SLC75A1: variants seen among roughly 807,000 people sequenced by gnomAD.
SLC75A1 encodes the protein major facilitator superfamily domain containing 10.
the SLC75A1 span, chr4:2,931,424 C>T: frequency 6.4e-7 from 1 of 1,555,760 alleles, no homozygotes; most frequent in South Asian, 1.2e-5. Context: ...GAGAACGTCC[C>T]CAGCCGATGA....
the SLC75A1 span, chr4:2,933,885 T>G: frequency 6.3e-7 from 1 of 1,579,382 alleles, no homozygotes; most frequent in Non-Finnish European, 8.6e-7. Flanking sequence ...GGTGGATGGG[T>G]GGGCGCGGGG....
the SLC75A1 span, chr4:2,932,509 C>A: frequency 6.2e-7 from 1 of 1,613,610 alleles, no homozygotes; most frequent in South Asian, 1.1e-5. Context: ...ACCCCAATGA[C>A]CGCCTAGGGA....
the SLC75A1 span, chr4:2,932,612 G>T: frequency 6.2e-7 from 1 of 1,613,274 alleles, no homozygotes; most frequent in African/African-American, 1.3e-5. Flanking sequence ...TGCCTTGACT[G>T]CGGGCCAGAG....
At chr4:2,934,135 C>T in the SLC75A1 span, 1 of 608,878 alleles carries the variant, frequency 1.6e-6, no homozygotes. Context: ...ACGCAGGCTT[C>T]GGGGATTGCA....
the SLC75A1 span, chr4:2,931,931 T>C: frequency 7.5e-6 from 12 of 1,608,320 alleles, no homozygotes; most frequent in Non-Finnish European, 9.3e-6. Flanking sequence ...CGCAGGCTGC[T>C]GAGCCCTGGG....
chr4:2,930,640 A>T, the SLC75A1 span: 1 of 604,552 alleles, frequency 1.7e-6, no homozygotes, highest in Non-Finnish European at 2.9e-6. Context: ...AAGCCCTGAC[A>T]GCCTTGGAGT....
the SLC75A1 span, chr4:2,931,934 G>T: frequency 6.2e-7 from 1 of 1,607,326 alleles, no homozygotes; most frequent in East Asian, 2.2e-5. Flanking sequence ...AGGCTGCTGA[G>T]CCCTGGGGAG....
At chr4:2,934,031 C>A in the SLC75A1 span, 1 of 1,253,648 alleles carries the variant, frequency 8.0e-7, no homozygotes, top group Non-Finnish European at 1.1e-6. Flanking sequence ...CCGGCGAGCA[C>A]CCTAAAGGGG....
chr4:2,931,317 G>A, the SLC75A1 span: 2 of 1,546,224 alleles, frequency 1.3e-6, no homozygotes, highest in Non-Finnish European at 1.7e-6. Flanking sequence ...CCCAGGGGAG[G>A]GTGCATCACC....
chr4:2,930,634 C>T, the SLC75A1 span: 2 of 600,034 alleles, frequency 3.3e-6, no homozygotes, highest in African/African-American at 3.7e-5. Flanking sequence ...AAACAGAAGC[C>T]CTGACAGCCT....
chr4:2,931,242 C>T, the SLC75A1 span: 40 of 1,564,216 alleles, frequency 2.6e-5, 1 homozygote, highest in South Asian at 8.2e-5. Context: ...CCAGCGACCA[C>T]GGAGGACAGG....
chr4:2,933,315 G>A, the SLC75A1 span: 1 of 1,164,562 alleles, frequency 8.6e-7, no homozygotes, highest in South Asian at 1.4e-5. Context: ...CAGTCATGCT[G>A]GGCCCTACAC....
At chr4:2,933,530 C>T in the SLC75A1 span, 13 of 1,605,848 alleles carry the variant, frequency 8.1e-6, no homozygotes, top group East Asian at 8.9e-5. Context: ...AACATAGGAC[C>T]GTAGAGAGCC....
the SLC75A1 span, chr4:2,932,237 A>C: frequency 6.5e-7 from 1 of 1,548,120 alleles, no homozygotes; most frequent in African/African-American, 1.4e-5. Flanking sequence ...TCCCAACACC[A>C]AGAGAGCGGC....
At chr4:2,930,798 CACTCTGCCTGGTGCCCACAGCCT>C in the SLC75A1 span, 24 of 1,606,784 alleles carry the variant, frequency 1.5e-5, no homozygotes, top group South Asian at 2.5e-4. Context: ...CCTAGGCTCC[CACTCTGCCTGGTGCCCACAGCCT>C]GGGCACAGTG....
At chr4:2,931,020 C>T in the SLC75A1 span, 1 of 1,611,148 alleles carries the variant, frequency 6.2e-7, no homozygotes, top group African/African-American at 1.3e-5. Flanking sequence ...AGGGCAGGTG[C>T]TTGGCCCCCA....
the SLC75A1 span, chr4:2,930,743 C>T: frequency 2.1e-6 from 3 of 1,420,772 alleles, no homozygotes; most frequent in Non-Finnish European, 1.9e-6. Flanking sequence ...CAGGGTCTCC[C>T]TGGACTGGCG....
chr4:2,931,217 G>C, the SLC75A1 span: 1 of 1,562,998 alleles, frequency 6.4e-7, no homozygotes, highest in Non-Finnish European at 8.7e-7. Context: ...GCCGAGGGAA[G>C]GGGGCTCACC....
At chr4:2,932,771 A>AGGGGCC in the SLC75A1 span, 50 of 1,542,738 alleles carry the variant, frequency 3.2e-5, no homozygotes, top group Non-Finnish European at 4.0e-5. Flanking sequence ...GCCCAGGGGC[A>AGGGGCC]GGGGCCAAGA....
Sources: gnomAD v4.1 joint callset for allele counts on GRCh38, gnomAD v4.1.1 for gene constraint, MANE v1.5 for transcripts, NCBI Gene and HGNC (gene_info 2026-07-23, HGNC 2026-07-21) for gene names.